The following CXCL14 variants were observed in gnomAD, a reference collection of about 807,000 sequenced individuals.
The protein encoded by CXCL14 is C-X-C motif chemokine 14.
In CXCL14, 9 loss-of-function variants were observed where a neutral mutation model predicts 16.1. The observed-to-expected ratio is 0.56, with a 90% CI of 0.34 to 0.97. The LOEUF (loss-of-function observed/expected upper bound fraction) is 0.97, where lower values mean the gene tolerates loss of function less well. CXCL14 is among the 50% of genes least tolerant of loss of function. The pLI is 0.02. For missense variants in CXCL14, 111 were observed against 132.5 expected, an observed-to-expected ratio of 0.84 and a Z score of 0.80; for synonymous variants, 55 against 52.8, an observed-to-expected ratio of 1.04 and a Z score of -0.18.
Position 135,571,492 on chromosome 5 carries a change from G to A in CXCL14, c.*361C>T, listed in dbSNP as rs773211331. The A allele has an allele frequency of 2.3e-4, 50 of 213,970 alleles. No homozygotes were observed. Among genetic ancestry groups the A allele is most frequent in the Non-Finnish European group, 4.0e-4 (44 of 108,802 alleles). 13.3% of individuals were successfully genotyped at this position (213,970 alleles called of 1,614,324 possible). A position where few individuals can be genotyped will look rare whatever the true frequency, so the allele number is the denominator to read the frequency against. On this transcript the variant is annotated 3_prime_UTR_variant, in exon 4 of 4. Transcript: ENST00000512158. Reference sequence around the variant, plus strand: ...GTCCACCAAGCTCATTGTTCCTCCCGGGCGCTTATAAAGCTCAGATGTATA... The same window carrying A: ...GTCCACCAAGCTCATTGTTCCTCCCAGGCGCTTATAAAGCTCAGATGTATA...
chr5:135,578,823 C>A lies in CXCL14; in HGVS notation c.-45G>T, dbSNP rs1373793182. 2 of 1,492,702 alleles carry A rather than the reference C, an allele frequency of 1.3e-6. No individual in the cohort carries two copies. Among genetic ancestry groups the A allele is most frequent in the Non-Finnish European group, 1.8e-6 (2 of 1,127,558 alleles). The allele number at this position is 1,492,702 out of a possible 1,614,324, so 92.5% of individuals were successfully genotyped here. A position where few individuals can be genotyped will look rare whatever the true frequency, so the allele number is the denominator to read the frequency against. On this transcript the variant is annotated 5_prime_UTR_variant, in exon 1 of 4. Coordinates refer to ENST00000512158, the MANE Select transcript of CXCL14 (RefSeq NM_004887.5). ...CGTGGGAGCAGGGACATGGGGAGGGCGCTGGCCCGTCGGAGCGGCGGCCCG... is the reference window on the plus strand; with the variant it reads ...CGTGGGAGCAGGGACATGGGGAGGGAGCTGGCCCGTCGGAGCGGCGGCCCG...
In CXCL14 at chr5:135,570,705, T is replaced by C. The variant is rs1324098503; in HGVS notation, c.*1148A>G. ...TTTGGTACATTTCAAATATATTTTA[T>C]TACTTTCCATCTTAGAAAGAATATG... On this transcript the variant is annotated 3_prime_UTR_variant, in exon 4 of 4. Coordinates refer to ENST00000512158, the MANE Select transcript of CXCL14 (RefSeq NM_004887.5). 2 of 152,220 alleles carry C rather than the reference T, an allele frequency of 1.3e-5. No homozygotes were observed. Among genetic ancestry groups the C allele is most frequent in the Non-Finnish European group, 2.9e-5 (2 of 68,048 alleles). The allele number at this position is 152,220 out of a possible 1,614,324, so 9.4% of individuals were successfully genotyped here.
chr5:135,576,733 C>A (rs1295454415), intron 2 of CXCL14, among the ~76,000 whole-genome samples: 1 of 151,962 alleles, frequency 6.6e-6, no homozygotes, highest in Non-Finnish European at 1.5e-5. Context: ...CGGACCTCTC[C>A]CCCCGCCCCT....
At chr5:135,576,092 C>T (rs922849210) in intron 2 of CXCL14, among the ~76,000 whole-genome samples, 6 of 152,306 alleles carry the variant, frequency 3.9e-5, no homozygotes, top group East Asian at 3.9e-4. Flanking sequence ...TTCCCTTCTC[C>T]GTGCTCTGGG....
chr5:135,572,448 T>C (rs1330847460), intron 3 of CXCL14, among the ~76,000 whole-genome samples: 2 of 152,190 alleles, frequency 1.3e-5, no homozygotes, highest in African/African-American at 4.8e-5. Flanking sequence ...GGTGGGGCAG[T>C]GGTGCAGGAG....
At chr5:135,578,593 G>T in intron 1 of CXCL14, 54 bp from the exon 2 acceptor site, 6 of 1,600,614 alleles carry the variant, frequency 3.7e-6, no homozygotes, top group South Asian at 2.2e-5. Flanking sequence ...CCTGCCCCTC[G>T]ACCACCTTGG....
intron 2 of CXCL14, among the ~76,000 whole-genome samples, chr5:135,577,335 G>A (rs1199195661): frequency 6.6e-6 from 1 of 152,154 alleles, no homozygotes; most frequent in Non-Finnish European, 1.5e-5. Flanking sequence ...GGATTTTTGG[G>A]TATTTTCTTT....
At chr5:135,576,215 C>T (rs1218802600) in intron 2 of CXCL14, among the ~76,000 whole-genome samples, 1 of 152,180 alleles carries the variant, frequency 6.6e-6, no homozygotes, top group Non-Finnish European at 1.5e-5. Flanking sequence ...CCGGGTCATT[C>T]CTCTAGCCTT....
At chr5:135,575,284 C>T (rs750430163) in intron 2 of CXCL14, among the ~76,000 whole-genome samples, 14 of 152,130 alleles carry the variant, frequency 9.2e-5, no homozygotes, top group Non-Finnish European at 2.1e-4. Flanking sequence ...AGGTATCTCA[C>T]CCCTAAGCAG....
Position 135,571,742 on chromosome 5 carries a change from C to CTTTT in CXCL14, c.*107_*110dup, listed in dbSNP as rs566365690. On this transcript the variant is annotated 3_prime_UTR_variant, in exon 4 of 4. Coordinates refer to ENST00000512158, the MANE Select transcript of CXCL14 (RefSeq NM_004887.5). Reference sequence around the variant, plus strand: ...GTCTTATGCCTGTGAGAAAGAAAGGCTTTTTTTTTTTTTTTTTTTTTTTTT... The same window carrying CTTTT: ...GTCTTATGCCTGTGAGAAAGAAAGGCTTTTTTTTTTTTTTTTTTTTTTTTTTTTT... The CTTTT allele has an allele frequency of 1.1e-4, 49 of 460,538 alleles. 2 individuals carry two copies. The highest frequency in any genetic ancestry group is 2.0e-4 in the East Asian group (4 of 20,164). The allele number at this position is 460,538 out of a possible 1,614,324, so 28.5% of individuals were successfully genotyped here.
chr5:135,577,747 C>A (rs1751130490), intron 2 of CXCL14, among the ~76,000 whole-genome samples: 1 of 152,202 alleles, frequency 6.6e-6, no homozygotes, highest in Non-Finnish European at 1.5e-5. Context: ...GGCGGAGGAG[C>A]AAGAAACTAA....
intron 2 of CXCL14, among the ~76,000 whole-genome samples, chr5:135,575,967 G>A (rs181238027): frequency 6.6e-6 from 1 of 152,328 alleles, no homozygotes. Context: ...GCTTATATGG[G>A]CTAAGTTCTA....
At position 135,578,947 on chromosome 5, in the gene CXCL14, G is replaced by T; in HGVS notation, c.-169C>A. 1.5e-6 allele frequency: 1 copy of T among 663,272 alleles called. No homozygotes were observed. Among genetic ancestry groups the T allele is most frequent in the Non-Finnish European group, 2.4e-6 (1 of 422,302 alleles). 41.1% of individuals were successfully genotyped at this position (663,272 alleles called of 1,614,324 possible). On this transcript the variant is annotated 5_prime_UTR_variant, in exon 1 of 4. Coordinates refer to ENST00000512158, the MANE Select transcript of CXCL14 (RefSeq NM_004887.5). Reference sequence around the variant, plus strand: ...CGTCGGTGGATGCCCAGGGCTGTCTGTGGCCGTGCGCTGCGCTCTGCGCTT... The same window carrying T: ...CGTCGGTGGATGCCCAGGGCTGTCTTTGGCCGTGCGCTGCGCTCTGCGCTT...
In CXCL14 at chr5:135,572,809, A is replaced by G. The variant is rs116325393; in HGVS notation, c.285-941T>C. ...ACCGTATACCCTTCTACTTCCTCCA[A>G]CCTAGCTTTGGCATTCTCTTTCTCT... On this transcript the variant is annotated intron_variant, in intron 3 of 3. Transcript: ENST00000512158. 7.0e-3 allele frequency among the ~76,000 whole-genome samples: 1,061 copies of G among 152,190 alleles called. 8 individuals carry two copies. The highest frequency in any genetic ancestry group is 0.024 in the African/African-American group (1,000 of 41,526).
Position 135,578,898 on chromosome 5 carries a change from C to T in CXCL14, c.-120G>A, listed in dbSNP as rs1403529296. On this transcript the variant is annotated 5_prime_UTR_variant, in exon 1 of 4. Transcript: ENST00000512158. ...CTTTCTCTGCCCGGGGCGCGCCTTC[C>T]GGCTCTGCTGGCTCCGGCTGCGCCG... 2.7e-6 allele frequency: 3 copies of T among 1,130,918 alleles called. No individual in the cohort carries two copies. The highest frequency in any genetic ancestry group is 3.0e-5 in the East Asian group (1 of 33,362). The allele number at this position is 1,130,918 out of a possible 1,614,324, so 70.1% of individuals were successfully genotyped here. A position where few individuals can be genotyped will look rare whatever the true frequency, so the allele number is the denominator to read the frequency against.
At chr5:135,576,188 T>C (rs1751094330) in intron 2 of CXCL14, among the ~76,000 whole-genome samples, 1 of 152,200 alleles carries the variant, frequency 6.6e-6, no homozygotes. Context: ...CTGCCTTGAC[T>C]GGACTCCTCT....
chr5:135,572,971 A>G lies in CXCL14; in HGVS notation c.285-1103T>C, dbSNP rs570100680. On this transcript the variant is annotated intron_variant, in intron 3 of 3. Coordinates refer to ENST00000512158, the MANE Select transcript of CXCL14 (RefSeq NM_004887.5). ...CACTCTAAGAAAGAGGGGTGAACTA[A>G]TTTTATAGCAAAGTGAGAGAAGGCC... Among the ~76,000 whole-genome samples the G allele has an allele frequency of 4.6e-5, 7 of 152,208 alleles. No homozygotes were observed. The East Asian group carries it at 1.4e-3, about 29-fold the overall frequency.
At chr5:135,577,693 T>A (rs1039428354) in intron 2 of CXCL14, among the ~76,000 whole-genome samples, 8 of 152,190 alleles carry the variant, frequency 5.3e-5, no homozygotes, top group Non-Finnish European at 5.9e-5. Flanking sequence ...AAGAGCATAT[T>A]GATGAGGAGG....
chr5:135,574,343 C>T (rs944079908), intron 3 of CXCL14, among the ~76,000 whole-genome samples: 1 of 152,214 alleles, frequency 6.6e-6, no homozygotes, highest in Non-Finnish European at 1.5e-5. Flanking sequence ...AAATGACAAA[C>T]CTGCCATGCT....
Sources: gnomAD v4.1 joint callset for allele counts (sites outside exome capture counted in the v4.1 genomes callset) on GRCh38, gnomAD v4.1.1 for gene constraint, MANE v1.5 for transcripts, NCBI Gene and HGNC (gene_info 2026-07-23, HGNC 2026-07-21) for gene names.